The following RSRC1 variants were observed in gnomAD, a reference collection of about 807,000 sequenced individuals.
RSRC1 encodes serine/Arginine-related protein 53.
A neutral mutation model predicts 49.1 loss-of-function variants in RSRC1; 39 were observed. The observed-to-expected ratio is 0.79, with a 90% CI of 0.61 to 1.04. The LOEUF (loss-of-function observed/expected upper bound fraction) is 1.04. Ranked by LOEUF, RSRC1 falls within the 50% of genes least tolerant of loss-of-function variation. RSRC1 has a pLI of 0.00. For missense variants in RSRC1, 388 were observed against 402.4 expected (o/e 0.96, Z 0.31); for synonymous variants, 143 against 130.8 (o/e 1.09, Z -0.63).
At chr3:158,289,909 GTCTT>G (rs1300070627) in intron 4 of RSRC1, among the ~76,000 whole-genome samples, 5 of 143,500 alleles carry the variant, frequency 3.5e-5, no homozygotes, top group South Asian at 2.2e-4. Context: ...AAATTTATCT[GTCTT>G]TCTATCTTTC....
chr3:158,393,097 T>TA lies in RSRC1; in HGVS notation c.583+38196dup, dbSNP rs576098805. Among the ~76,000 whole-genome samples the TA allele has an allele frequency of 1.4e-3, 219 of 151,960 alleles. 3 individuals carry two copies. The highest frequency in any genetic ancestry group is 4.9e-3 in the African/African-American group (203 of 41,488). Reference sequence around the variant, plus strand: ...ATAAACAATGAAATTAAGGTGGAAATAAAAAAATTCTTTGAAACTAATGAA... The same window carrying TA: ...ATAAACAATGAAATTAAGGTGGAAATAAAAAAAATTCTTTGAAACTAATGAA... On this transcript the variant is annotated intron_variant, in intron 6 of 9. Transcript: ENST00000611884.
intron 6 of RSRC1, among the ~76,000 whole-genome samples, chr3:158,395,492 C>T (rs1020485941): frequency 6.6e-6 from 1 of 151,994 alleles, no homozygotes; most frequent in African/African-American, 2.4e-5. Context: ...AAGCAAAAAA[C>T]AACCCTATAA....
At chr3:158,224,821 G>A (rs1269690819) in intron 4 of RSRC1, among the ~76,000 whole-genome samples, 1 of 151,762 alleles carries the variant, frequency 6.6e-6, no homozygotes, top group Non-Finnish European at 1.5e-5. Context: ...GAAATGTATG[G>A]TCTACTGTAT....
At chr3:158,273,274 G>A (rs1475740990) in intron 4 of RSRC1, among the ~76,000 whole-genome samples, 1 of 151,988 alleles carries the variant, frequency 6.6e-6, no homozygotes, top group African/African-American at 2.4e-5. Context: ...AGTATTAAAT[G>A]TTCAAGGTAG....
At chr3:158,326,364 G>A (rs894560458) in intron 5 of RSRC1, among the ~76,000 whole-genome samples, 1 of 152,098 alleles carries the variant, frequency 6.6e-6, no homozygotes, top group African/African-American at 2.4e-5. Flanking sequence ...TTGGCTGTGG[G>A]TTTGTCATAA....
chr3:158,316,697 G>C (rs190767570), intron 5 of RSRC1, among the ~76,000 whole-genome samples: 1 of 152,134 alleles, frequency 6.6e-6, no homozygotes, highest in East Asian at 1.9e-4. Context: ...GCCCGCCTCG[G>C]CCTCCCAAAG....
intron 3 of RSRC1, among the ~76,000 whole-genome samples, chr3:158,172,804 A>G (rs1400842669): frequency 6.6e-6 from 1 of 152,160 alleles, no homozygotes; most frequent in Non-Finnish European, 1.5e-5. Flanking sequence ...TGTGAGGTTA[A>G]AACAATTTAA....
Position 158,325,377 on chromosome 3 carries a change from C to A in RSRC1, c.531+27302C>A, listed in dbSNP as rs374262871. ...ATGGTTTTAGGTCTAAGATTTAAGT[C>A]TTTAATCCATCTTGAATTAATTTTT... On this transcript the variant is annotated intron_variant, in intron 5 of 9. Transcript: ENST00000611884. Among the ~76,000 whole-genome samples, 26 of 152,292 alleles carry A rather than the reference C, an allele frequency of 1.7e-4. No individual in the cohort carries two copies. In the East Asian group the frequency reaches 3.3e-3, roughly 19 times the overall value.
chr3:158,515,461 G>T (rs1740462538), intron 7 of RSRC1, among the ~76,000 whole-genome samples: 1 of 136,512 alleles, frequency 7.3e-6, no homozygotes, highest in Admixed American at 7.4e-5. Context: ...TTTCTGCCGA[G>T]AGATCCGCTG....
chr3:158,516,838 A>G lies in RSRC1; in HGVS notation c.653-20254A>G, dbSNP rs374648605. The stretch of plus-strand genomic sequence containing the variant: ...AGCCCGTCGGAAAAGTGCGGTATTC[A>G]GGTGGGAGTGACCCGATTTTCCAGG... On this transcript the variant is annotated intron_variant, in intron 7 of 9. Coordinates refer to ENST00000611884, the MANE Select transcript of RSRC1 (RefSeq NM_001271838.2). 3.1e-4 allele frequency among the ~76,000 whole-genome samples: 47 copies of G among 152,308 alleles called. No individual in the cohort carries two copies. In the East Asian group the frequency reaches 4.6e-3, roughly 15 times the overall value.
intron 3 of RSRC1, among the ~76,000 whole-genome samples, chr3:158,193,699 G>A (rs1049507785): frequency 6.6e-6 from 1 of 151,954 alleles, no homozygotes. Context: ...TTAGTAATCT[G>A]TTAAAATTTC....
At chr3:158,470,703 G>C (rs1202499157) in intron 7 of RSRC1, among the ~76,000 whole-genome samples, 1 of 152,072 alleles carries the variant, frequency 6.6e-6, no homozygotes, top group South Asian at 2.1e-4. Context: ...AATAGAGAAA[G>C]CTGAATTTAT....
At chr3:158,324,046 A>G (rs1044707083) in intron 5 of RSRC1, among the ~76,000 whole-genome samples, 4 of 152,222 alleles carry the variant, frequency 2.6e-5, no homozygotes, top group African/African-American at 9.6e-5. Context: ...AAAAATTTTC[A>G]TATAATTTTT....
At chr3:158,365,387 G>A (rs1245136561) in intron 6 of RSRC1, among the ~76,000 whole-genome samples, 3 of 152,020 alleles carry the variant, frequency 2.0e-5, no homozygotes, top group East Asian at 1.9e-4. Flanking sequence ...TTATGAGTGA[G>A]AACATGCGGT....
chr3:158,323,802 TG>T (rs1359003928), intron 5 of RSRC1, among the ~76,000 whole-genome samples: 1 of 152,238 alleles, frequency 6.6e-6, no homozygotes, highest in Non-Finnish European at 1.5e-5. Context: ...TTTGCCCATA[TG>T]TATAGTTGTT....
In RSRC1 at chr3:158,537,047, A is replaced by T. The variant is rs1389575604; in HGVS notation, c.653-45A>T. The T allele has an allele frequency of 4.0e-6, 5 of 1,248,512 alleles. No individual in the cohort carries two copies. The South Asian group carries it at 6.0e-5, about 15-fold the overall frequency. 77.3% of individuals were successfully genotyped at this position (1,248,512 alleles called of 1,614,324 possible). A position where few individuals can be genotyped will look rare whatever the true frequency, so the allele number is the denominator to read the frequency against. ...ACATTGCTTAGGTGTAGTGTTATTA[A>T]CATGCTTACACCAAAATACGCTGAC... On this transcript the variant is annotated intron_variant, in intron 7 of 9. Coordinates refer to ENST00000611884, the MANE Select transcript of RSRC1 (RefSeq NM_001271838.2).
intron 6 of RSRC1, among the ~76,000 whole-genome samples, chr3:158,408,322 A>G (rs1734260264): frequency 6.6e-6 from 1 of 152,260 alleles, no homozygotes; most frequent in African/African-American, 2.4e-5. Flanking sequence ...AAGAGTAAAC[A>G]TAAGCATGAT....
chr3:158,168,413 T>A (rs568981910), intron 3 of RSRC1, among the ~76,000 whole-genome samples: 10 of 152,314 alleles, frequency 6.6e-5, no homozygotes, highest in Admixed American at 3.3e-4. Context: ...CAGTTTATTA[T>A]GCAATAAAAA....
At chr3:158,241,082 A>G (rs1351696682) in intron 4 of RSRC1, among the ~76,000 whole-genome samples, 1 of 152,190 alleles carries the variant, frequency 6.6e-6, no homozygotes, top group Non-Finnish European at 1.5e-5. Flanking sequence ...AGACATAGTA[A>G]TATGTAGGGT....
Sources: gnomAD v4.1 joint callset for allele counts (sites outside exome capture counted in the v4.1 genomes callset) on GRCh38, gnomAD v4.1.1 for gene constraint, MANE v1.5 for transcripts, NCBI Gene and HGNC (gene_info 2026-07-23, HGNC 2026-07-21) for gene names.